The following RBMS3 variants were observed in gnomAD, a reference collection of about 807,000 sequenced individuals.
RBMS3 encodes RNA binding motif single stranded interacting protein 3, also known as RNA-binding motif, single-stranded-interacting protein 3.
Under a neutral mutation model 66.8 loss-of-function variants are expected in RBMS3, and 27 were observed. That is an observed-to-expected ratio of 0.40 (90% confidence interval 0.30 to 0.56). The LOEUF is 0.56. RBMS3 is among the 20% of genes least tolerant of loss of function. The pLI, the probability that RBMS3 is intolerant of heterozygous loss-of-function variation, is 0.40. For synonymous variants in RBMS3, 188 were observed against 183.0 expected (o/e 1.03, Z -0.22); for missense variants, 513 against 549.5 (o/e 0.93, Z 0.66).
At position 30,007,429 on chromosome 3, in the gene RBMS3, A is replaced by T. The variant is rs1211031257; in HGVS notation, c.*3567A>T. The T allele has an allele frequency of 6.6e-6, 1 of 152,000 alleles. No individual in the cohort carries two copies. The highest frequency in any genetic ancestry group is 2.4e-5 in the African/African-American group (1 of 41,410). The allele number at this position is 152,000 out of a possible 1,614,324, so 9.4% of individuals were successfully genotyped here. A position where few individuals can be genotyped will look rare whatever the true frequency, so the allele number is the denominator to read the frequency against. ...TTTCCTTTTGACTTTAATAGCCAAGACTTAGCTTAAACATCAGGAAACAAA... is the reference window on the plus strand; with the variant it reads ...TTTCCTTTTGACTTTAATAGCCAAGTCTTAGCTTAAACATCAGGAAACAAA... On this transcript the variant is annotated 3_prime_UTR_variant, in exon 15 of 15. Coordinates refer to ENST00000383767, the MANE Select transcript of RBMS3 (RefSeq NM_001003793.3).
chr3:29,863,952 TA>T (rs1487054568), intron 6 of RBMS3, among the ~76,000 whole-genome samples: 3 of 152,196 alleles, frequency 2.0e-5, no homozygotes, highest in Non-Finnish European at 4.4e-5. Context: ...TACAAATGTT[TA>T]AATAAGGGAA....
At chr3:29,590,506 A>G (rs1162668029) in intron 4 of RBMS3, among the ~76,000 whole-genome samples, 1 of 152,098 alleles carries the variant, frequency 6.6e-6, no homozygotes, top group East Asian at 1.9e-4. Context: ...CAGTCAGCAA[A>G]CATTTTTTAT....
chr3:29,582,689 G>A (rs2047374978), intron 3 of RBMS3, among the ~76,000 whole-genome samples: 1 of 152,186 alleles, frequency 6.6e-6, no homozygotes, highest in African/African-American at 2.4e-5. Flanking sequence ...AGAGGTTGCT[G>A]TTCCCAGACT....
intron 4 of RBMS3, among the ~76,000 whole-genome samples, chr3:29,610,355 C>A (rs2048453277): frequency 6.6e-6 from 1 of 152,026 alleles, no homozygotes; most frequent in African/African-American, 2.4e-5. Flanking sequence ...CAAGTCCAGG[C>A]CTATGGATAA....
rs1242569300 is a variant in RBMS3, at chr3:29,403,722, A to G, written c.76-31021A>G. Among the ~76,000 whole-genome samples, 3 of 152,102 alleles carry G rather than the reference A, an allele frequency of 2.0e-5. No homozygotes were observed. The East Asian group carries it at 5.8e-4, about 29-fold the overall frequency. ...ATTATTCCTTCTTTTCTTTTCTGTC[A>G]TTATTAAAAAGTGATTGCAGACTTG... On this transcript the variant is annotated intron_variant, in intron 1 of 14. Transcript: ENST00000383767.
chr3:29,928,211 T>TATACACACAC lies in RBMS3; in HGVS notation c.940-7874_940-7873insTACACACACA, dbSNP rs1291440563. On this transcript the variant is annotated intron_variant, in intron 10 of 14. Coordinates refer to ENST00000383767, the MANE Select transcript of RBMS3 (RefSeq NM_001003793.3). ...ATATATATATATATATATATATATA[T>TATACACACAC]ACACACACACACACACACACACACA... Among the ~76,000 whole-genome samples, 169 of 93,472 alleles carry TATACACACAC rather than the reference T, an allele frequency of 1.8e-3. 1 individual carries two copies. Among genetic ancestry groups the TATACACACAC allele is most frequent in the African/African-American group, 6.8e-3 (160 of 23,624 alleles). 61.3% of individuals were successfully genotyped at this position (93,472 alleles called of 152,430 possible).
chr3:29,465,436 G>A (rs909267001), intron 2 of RBMS3, among the ~76,000 whole-genome samples: 4 of 151,948 alleles, frequency 2.6e-5, no homozygotes, highest in Non-Finnish European at 4.4e-5. Flanking sequence ...TTCCTCCAGA[G>A]TAATATGTTC....
chr3:29,885,048 A>T (rs896086308), intron 8 of RBMS3, among the ~76,000 whole-genome samples: 2 of 151,918 alleles, frequency 1.3e-5, no homozygotes, highest in African/African-American at 4.8e-5. Flanking sequence ...TCTGTGGGAT[A>T]TTGAAAGTAT....
intron 4 of RBMS3, among the ~76,000 whole-genome samples, chr3:29,738,548 A>G (rs1348049): frequency 0.57 from 86,230 of 152,070 alleles, 24,972 homozygotes; most frequent in African/African-American, 0.69. Context: ...ATTAAGCAAA[A>G]CTTATTTAAG....
intron 6 of RBMS3, among the ~76,000 whole-genome samples, chr3:29,827,396 C>T (rs948358377): frequency 6.6e-5 from 10 of 152,176 alleles, no homozygotes; most frequent in African/African-American, 2.4e-4. Flanking sequence ...TGGTCAATCG[C>T]TTTCTTGTGA....
At chr3:29,924,380 T>A (rs1318264825) in intron 10 of RBMS3, among the ~76,000 whole-genome samples, 1 of 152,080 alleles carries the variant, frequency 6.6e-6, no homozygotes, top group Non-Finnish European at 1.5e-5. Context: ...TTTCTTTTCT[T>A]TTTTCTTTTT....
intron 14 of RBMS3, chr3:29,991,438 T>C (rs1206225698): frequency 3.5e-6 from 2 of 565,200 alleles, no homozygotes; most frequent in South Asian, 2.2e-5. Flanking sequence ...TGATTATCTA[T>C]GCATCTCTGC....
intron 3 of RBMS3, among the ~76,000 whole-genome samples, chr3:29,538,316 A>T (rs540723539): frequency 6.6e-6 from 1 of 152,352 alleles, no homozygotes; most frequent in African/African-American, 2.4e-5. Context: ...GAAGTAACTT[A>T]CAAAAAATAT....
intron 4 of RBMS3, among the ~76,000 whole-genome samples, chr3:29,603,627 T>C (rs1418861830): frequency 6.6e-6 from 1 of 152,006 alleles, no homozygotes; most frequent in African/African-American, 2.4e-5. Context: ...CCTTTCTTTC[T>C]AGCTTCCTTT....
intron 2 of RBMS3, among the ~76,000 whole-genome samples, chr3:29,459,803 A>G (rs1405167411): frequency 6.6e-6 from 1 of 152,200 alleles, no homozygotes; most frequent in African/African-American, 2.4e-5. Flanking sequence ...TAAGTACAGT[A>G]GAGAATTTAG....
chr3:29,423,543 G>A (rs976367714), intron 1 of RBMS3, among the ~76,000 whole-genome samples: 3 of 152,284 alleles, frequency 2.0e-5, no homozygotes, highest in African/African-American at 4.8e-5. Flanking sequence ...TAGTAGCATA[G>A]CATAGAAACT....
chr3:29,363,542 A>G (rs1266454213), intron 1 of RBMS3, among the ~76,000 whole-genome samples: 1 of 152,200 alleles, frequency 6.6e-6, no homozygotes, highest in Admixed American at 6.5e-5. Context: ...TAATCCCAGT[A>G]CTTGGGAAGG....
At chr3:29,991,328 A>ATTTAT in intron 14 of RBMS3, 119 bp downstream of exon 14, 2 of 1,503,460 alleles carry the variant, frequency 1.3e-6, no homozygotes, top group Non-Finnish European at 1.8e-6. Context: ...AGCAACAGGC[A>ATTTAT]TTTATTTAGC....
At chr3:29,966,595 G>T (rs899075626) in intron 12 of RBMS3, among the ~76,000 whole-genome samples, 1 of 152,106 alleles carries the variant, frequency 6.6e-6, no homozygotes, top group African/African-American at 2.4e-5. Flanking sequence ...GTTTTCTGGA[G>T]GAGTCCTTAG....
Sources: gnomAD v4.1 joint callset for allele counts (sites outside exome capture counted in the v4.1 genomes callset) on GRCh38, gnomAD v4.1.1 for gene constraint, MANE v1.5 for transcripts, NCBI Gene and HGNC (gene_info 2026-07-23, HGNC 2026-07-21) for gene names.